The following ARHGAP24 variants were observed in gnomAD, a reference collection of about 807,000 sequenced individuals.
ARHGAP24 encodes Rho GTPase activating protein 24, also known as rho GTPase-activating protein 24.
In ARHGAP24, 50 loss-of-function variants were observed where a neutral mutation model predicts 76.4. That is an observed-to-expected ratio of 0.65 (90% CI 0.52 to 0.83). The LOEUF (loss-of-function observed/expected upper bound fraction) is 0.83. Among genes scored for constraint, ARHGAP24 ranks in the 40% least tolerant of loss-of-function variants. The pLI, the probability that ARHGAP24 is intolerant of heterozygous loss-of-function variation, is 0.00. For synonymous variants in ARHGAP24, 345 were observed against 323.3 expected, an observed-to-expected ratio of 1.07 and a Z score of -0.72; for missense variants, 930 against 914.2, an observed-to-expected ratio of 1.02 and a Z score of -0.22.
intron 3 of ARHGAP24, among the ~76,000 whole-genome samples, chr4:85,791,391 A>G (rs1235436583): frequency 6.6e-6 from 1 of 152,214 alleles, no homozygotes; most frequent in Admixed American, 6.5e-5. Context: ...AGTGATTAAG[A>G]TTTGAAAAGT....
intron 7 of ARHGAP24, 50 bp downstream of exon 7, chr4:85,975,011 C>A: frequency 1.3e-6 from 2 of 1,508,436 alleles, no homozygotes; most frequent in Non-Finnish European, 9.2e-7. Context: ...CATATTTAGC[C>A]TGATACTAAT....
chr4:85,949,698 T>A (rs1236771877), intron 5 of ARHGAP24, among the ~76,000 whole-genome samples: 1 of 152,174 alleles, frequency 6.6e-6, no homozygotes, highest in Non-Finnish European at 1.5e-5. Context: ...ATACTCTTGG[T>A]CAATGGCAAA....
intron 1 of ARHGAP24, among the ~76,000 whole-genome samples, chr4:85,510,529 A>C (rs1261585212): frequency 1.2e-4 from 11 of 90,962 alleles, no homozygotes; most frequent in African/African-American, 3.1e-4. Flanking sequence ...CACTCTCCCA[A>C]CCCCTTTCCC....
intron 1 of ARHGAP24, among the ~76,000 whole-genome samples, chr4:85,565,247 G>T (rs1355982373): frequency 6.6e-6 from 1 of 152,004 alleles, no homozygotes; most frequent in Non-Finnish European, 1.5e-5. Context: ...GCTCTCTGCA[G>T]TTATATACTG....
At chr4:85,798,571 G>A (rs780438586) in intron 3 of ARHGAP24, among the ~76,000 whole-genome samples, 5 of 152,170 alleles carry the variant, frequency 3.3e-5, no homozygotes, top group Non-Finnish European at 5.9e-5. Context: ...AATAAGGTCT[G>A]AGTTTAGTTA....
At chr4:85,907,322 T>C (rs1221214542) in intron 3 of ARHGAP24, among the ~76,000 whole-genome samples, 1 of 152,214 alleles carries the variant, frequency 6.6e-6, no homozygotes, top group African/African-American at 2.4e-5. Context: ...TTTAAAATGT[T>C]ATATTTATTA....
chr4:85,513,791 C>T (rs564056101), intron 1 of ARHGAP24, among the ~76,000 whole-genome samples: 1 of 152,100 alleles, frequency 6.6e-6, no homozygotes, highest in African/African-American at 2.4e-5. Flanking sequence ...TCTTTGATTT[C>T]TTTTTCCCTT....
chr4:85,911,144 G>A (rs1182687498), intron 3 of ARHGAP24, among the ~76,000 whole-genome samples: 2 of 152,192 alleles, frequency 1.3e-5, no homozygotes, highest in African/African-American at 4.8e-5. Flanking sequence ...CCAGGAGGGC[G>A]GGGCTCCTGC....
chr4:85,565,820 T>G (rs577276116), intron 1 of ARHGAP24, among the ~76,000 whole-genome samples: 4 of 152,226 alleles, frequency 2.6e-5, no homozygotes, highest in African/African-American at 9.6e-5. Flanking sequence ...GCTTATATAT[T>G]CTTTGTTGAA....
chr4:85,763,355 T>C (rs1033940627), intron 3 of ARHGAP24, among the ~76,000 whole-genome samples: 10 of 152,144 alleles, frequency 6.6e-5, no homozygotes, highest in African/African-American at 2.4e-4. Context: ...AACAGCTGTG[T>C]CTTGTATTTT....
At chr4:85,655,993 G>C (rs1216414270) in intron 2 of ARHGAP24, among the ~76,000 whole-genome samples, 2 of 151,882 alleles carry the variant, frequency 1.3e-5, no homozygotes, top group Non-Finnish European at 2.9e-5. Context: ...GCTTCCAGTA[G>C]AATTAATATG....
intron 2 of ARHGAP24, among the ~76,000 whole-genome samples, chr4:85,694,169 A>G (rs1204522185): frequency 6.6e-6 from 1 of 151,886 alleles, no homozygotes; most frequent in Non-Finnish European, 1.5e-5. Context: ...TTTACTCAAA[A>G]TTTTGGTCTT....
chr4:85,910,015 G>A (rs572787751), intron 3 of ARHGAP24, among the ~76,000 whole-genome samples: 44 of 152,300 alleles, frequency 2.9e-4, no homozygotes, highest in African/African-American at 9.4e-4. Context: ...GGCATGGAGT[G>A]TGTGAGTGAG....
chr4:85,841,278 T>G (rs972095534), intron 3 of ARHGAP24, among the ~76,000 whole-genome samples: 2 of 152,178 alleles, frequency 1.3e-5, no homozygotes, highest in Admixed American at 6.5e-5. Context: ...TGATTGAAAA[T>G]TGTATAAAAT....
At chr4:85,996,967 A>T (rs1740698305) in intron 9 of ARHGAP24, among the ~76,000 whole-genome samples, 1 of 152,136 alleles carries the variant, frequency 6.6e-6, no homozygotes, top group Non-Finnish European at 1.5e-5. Context: ...GATGTTGCTG[A>T]TGCATATATG....
At chr4:85,695,140 C>T (rs984553930) in intron 2 of ARHGAP24, among the ~76,000 whole-genome samples, 87 of 152,262 alleles carry the variant, frequency 5.7e-4, no homozygotes, top group Non-Finnish European at 2.4e-4. Flanking sequence ...GTTGTATATG[C>T]GTATTTTAGC....
chr4:85,594,842 T>C (rs1423886707), intron 2 of ARHGAP24, among the ~76,000 whole-genome samples: 4 of 152,088 alleles, frequency 2.6e-5, no homozygotes, highest in Non-Finnish European at 5.9e-5. Context: ...TAACTACGTA[T>C]GAGGTGAAAA....
chr4:85,931,939 CT>C (rs1003291247), intron 4 of ARHGAP24, among the ~76,000 whole-genome samples: 6 of 151,676 alleles, frequency 4.0e-5, no homozygotes, highest in South Asian at 2.1e-4. Flanking sequence ...TCCCCCACAT[CT>C]TTTTTTTGAT....
chr4:85,904,598 G>A (rs1734674710), intron 3 of ARHGAP24, among the ~76,000 whole-genome samples: 1 of 152,150 alleles, frequency 6.6e-6, no homozygotes, highest in African/African-American at 2.4e-5. Flanking sequence ...GCAATATAAT[G>A]CTTTTGAGAA....
Sources: allele counts gnomAD v4.1 joint callset (sites outside exome capture counted in the v4.1 genomes callset), GRCh38; gene constraint gnomAD v4.1.1; transcripts MANE v1.5; gene names NCBI Gene and HGNC (gene_info 2026-07-23, HGNC 2026-07-21).